The following PCDHA8 variants were observed in gnomAD, a reference collection of about 807,000 sequenced individuals.
PCDHA8 encodes protocadherin alpha 8, also known as protocadherin alpha-8.
PCDHA8 carries 53 observed loss-of-function variants against 61.8 expected under a neutral mutation model. That is an observed-to-expected ratio of 0.86 (90% CI 0.69 to 1.08). The LOEUF is 1.08. PCDHA8 is among the 50% of genes least tolerant of loss of function. The pLI, the probability that PCDHA8 is intolerant of heterozygous loss-of-function variation, is 0.00. For missense variants in PCDHA8, 1,293 were observed against 1,245.0 expected (o/e 1.04, Z -0.58); for synonymous variants, 618 against 556.6 (o/e 1.11, Z -1.55).
At chr5:140,869,605 T>C (rs782447414) in intron 1 of PCDHA8, 132 of 1,613,940 alleles carry the variant, frequency 8.2e-5, no homozygotes, top group Non-Finnish European at 1.1e-4. Context: ...GAATGCTCTA[T>C]TGACCTACAG....
At chr5:140,986,085 TCA>T (rs1395722991) in intron 3 of PCDHA8, among the ~76,000 whole-genome samples, 1 of 152,182 alleles carries the variant, frequency 6.6e-6, no homozygotes, top group Non-Finnish European at 1.5e-5. Context: ...TCATTTATTT[TCA>T]CAGTCTGCAA....
intron 1 of PCDHA8, among the ~76,000 whole-genome samples, chr5:140,940,510 G>A (rs1477590604): frequency 4.0e-5 from 6 of 151,894 alleles, no homozygotes; most frequent in African/African-American, 9.7e-5. Context: ...TCGCTCAGGC[G>A]TGATCATAGC....
At chr5:140,868,764 T>G (rs1202050223) in intron 1 of PCDHA8, 2 of 238,724 alleles carry the variant, frequency 8.4e-6, no homozygotes, top group Non-Finnish European at 1.6e-5. Flanking sequence ...ATATATTTAG[T>G]TTCAATATGA....
intron 1 of PCDHA8, among the ~76,000 whole-genome samples, chr5:140,925,899 G>A (rs149135478): frequency 2.0e-5 from 3 of 151,846 alleles, no homozygotes; most frequent in African/African-American, 7.3e-5. Context: ...CACCCAGATC[G>A]TCAAGGGCCG....
intron 1 of PCDHA8, among the ~76,000 whole-genome samples, chr5:140,844,656 C>T (rs1473422243): frequency 6.7e-6 from 1 of 149,316 alleles, no homozygotes; most frequent in African/African-American, 2.5e-5. Flanking sequence ...TTCTTGCAAA[C>T]CAAACATATA....
intron 1 of PCDHA8, among the ~76,000 whole-genome samples, chr5:140,951,653 C>T (rs2094610729): frequency 6.6e-6 from 1 of 152,176 alleles, no homozygotes; most frequent in South Asian, 2.1e-4. Context: ...TCACCTCCCA[C>T]CAGGGCCTGC....
chr5:140,870,286 A>C, intron 1 of PCDHA8: 1 of 1,614,124 alleles, frequency 6.2e-7, no homozygotes, highest in Non-Finnish European at 8.5e-7. Context: ...CGTTCCCTTC[A>C]AGCTGGTGTC....
intron 1 of PCDHA8, chr5:140,865,696 A>G (rs1233175579): frequency 2.0e-5 from 3 of 152,192 alleles, no homozygotes; most frequent in African/African-American, 7.2e-5. Flanking sequence ...GACTGTTCCA[A>G]TTTGAAAGAT....
At chr5:140,946,948 T>C (rs1315606645) in intron 1 of PCDHA8, among the ~76,000 whole-genome samples, 2 of 151,534 alleles carry the variant, frequency 1.3e-5, no homozygotes, top group African/African-American at 4.8e-5. Context: ...TTAAGAATAA[T>C]GTATATTTCA....
rs2150323998 is a variant in PCDHA8 at position 140,841,846 on chromosome 5, T to G, written c.525T>G (p.His175Gln). Residue 175 changes from histidine (H) to glutamine (Q), a missense_variant, in exon 1 of 4, where the codon CAT (histidine) becomes CAG (glutamine). His to Gln is a conservative substitution (Grantham distance 24). Transcript: ENST00000531613. ...NSVLTYRLSS[H>Q]DYFMLDVNSK... ...TGTTAACCTACAGGCTTAGCTCTCA[T>G]GATTACTTCATGCTAGATGTGAATT... 6.2e-7 allele frequency: 1 copy of G among 1,613,898 alleles called. No homozygotes were observed.
chr5:141,007,779 C>T (rs1378096050), intron 3 of PCDHA8, among the ~76,000 whole-genome samples: 4 of 152,184 alleles, frequency 2.6e-5, no homozygotes, highest in African/African-American at 9.7e-5. Context: ...AATGGTACTG[C>T]TTTACAAATT....
intron 1 of PCDHA8, chr5:140,877,590 G>T: frequency 1.2e-6 from 2 of 1,613,826 alleles, no homozygotes; most frequent in Non-Finnish European, 1.7e-6. Flanking sequence ...CCATCTGTGC[G>T]GTGTCCAGCC....
rs150698374 is a variant in PCDHA8 at position 140,841,827 on chromosome 5, C to A, written c.506C>A (p.Thr169Asn). The A allele has an allele frequency of 1.2e-3, 1,964 of 1,613,914 alleles. 22 individuals are homozygous for A. Among genetic ancestry groups the A allele is most frequent in the Non-Finnish European group, 7.1e-4 (841 of 1,179,854 alleles). ...GATGTTGGAGCTAACTCCGTGTTAA[C>A]CTACAGGCTTAGCTCTCATGATTAC... Reference protein sequence around the residue: ...DADVGANSVLTYRLSSHDYFM... With the variant: ...DADVGANSVLNYRLSSHDYFM... Residue 169 changes from threonine to asparagine, a missense_variant, in exon 1 of 4, where the codon ACC (threonine) becomes AAC (asparagine). Physicochemically the swap from Thr to Asn is moderately conservative, Grantham distance 65 (BLOSUM62 0). Transcript: ENST00000531613.
At chr5:140,902,367 T>C (rs2153476761) in intron 1 of PCDHA8, among the ~76,000 whole-genome samples, 1 of 152,142 alleles carries the variant, frequency 6.6e-6, no homozygotes, top group Middle Eastern at 3.4e-3. Flanking sequence ...TTCTCTTGTC[T>C]AATTGCTCTA....
chr5:140,856,036 A>G (rs1554148102), intron 1 of PCDHA8: 5 of 1,567,408 alleles, frequency 3.2e-6, no homozygotes, highest in Non-Finnish European at 4.3e-6. Flanking sequence ...TTGTAAAACA[A>G]GAGAAGGATA....
chr5:140,886,944 C>A (rs577897989), intron 1 of PCDHA8, among the ~76,000 whole-genome samples: 2 of 152,010 alleles, frequency 1.3e-5, no homozygotes, highest in African/African-American at 4.8e-5. Context: ...ATGTTCTACA[C>A]ATTAGACATT....
intron 3 of PCDHA8, among the ~76,000 whole-genome samples, chr5:140,991,446 A>G (rs782325342): frequency 6.6e-6 from 1 of 152,202 alleles, no homozygotes; most frequent in Non-Finnish European, 1.5e-5. Flanking sequence ...ATGGCTTAAA[A>G]CAACACAATG....
intron 1 of PCDHA8, among the ~76,000 whole-genome samples, chr5:140,920,909 C>A (rs2079923809): frequency 6.6e-6 from 1 of 151,058 alleles, no homozygotes; most frequent in Admixed American, 6.6e-5. Context: ...GTTCTCAAAT[C>A]AGTTCCAAGA....
chr5:140,926,806 C>T, intron 1 of PCDHA8: 1 of 1,456,722 alleles, frequency 6.9e-7, no homozygotes, highest in Non-Finnish European at 9.0e-7. Flanking sequence ...CTCTTCCCCG[C>T]GGCTCGTGCT....
Sources: allele counts gnomAD v4.1 joint callset (sites outside exome capture counted in the v4.1 genomes callset), GRCh38; gene constraint gnomAD v4.1.1; transcripts MANE v1.5; gene names NCBI Gene and HGNC (gene_info 2026-07-23, HGNC 2026-07-21).